The following SERPINI1 variants were observed in gnomAD, a reference collection of about 807,000 sequenced individuals.
SERPINI1 encodes serpin family I member 1.
In SERPINI1, 19 loss-of-function variants were observed where a neutral mutation model predicts 41.1. That is an observed-to-expected ratio of 0.46 (90% CI 0.32 to 0.68). The LOEUF is 0.68. SERPINI1 is among the 30% of genes least tolerant of loss of function. SERPINI1 has a pLI of 0.03. For missense variants in SERPINI1, 460 were observed against 479.2 expected (o/e 0.96, Z 0.37); for synonymous variants, 138 against 156.6 (o/e 0.88, Z 0.89).
intron 6 of SERPINI1, among the ~76,000 whole-genome samples, chr3:167,819,851 G>A (rs1169370669): frequency 1.3e-5 from 2 of 152,178 alleles, no homozygotes; most frequent in African/African-American, 4.8e-5. Flanking sequence ...TCTGAAATCT[G>A]AATTAGATCT....
intron 1 of SERPINI1, among the ~76,000 whole-genome samples, chr3:167,782,222 G>A (rs1392504127): frequency 6.6e-6 from 1 of 152,098 alleles, no homozygotes; most frequent in Non-Finnish European, 1.5e-5. Flanking sequence ...TAATAATAGG[G>A]CCCTGGCATT....
chr3:167,793,682 G>C (rs1028405534), intron 4 of SERPINI1, among the ~76,000 whole-genome samples: 1 of 151,072 alleles, frequency 6.6e-6, no homozygotes, highest in South Asian at 2.1e-4. Context: ...GAGCCCAAGA[G>C]TTTGAGGCTG....
intron 1 of SERPINI1, among the ~76,000 whole-genome samples, chr3:167,770,624 G>A (rs78345359): frequency 0.027 from 4,068 of 152,100 alleles, 78 homozygotes; most frequent in Non-Finnish European, 0.039. Flanking sequence ...AATATAGGGA[G>A]AACTGACATC....
At chr3:167,742,995 C>T (rs1018844474) in intron 1 of SERPINI1, among the ~76,000 whole-genome samples, 1 of 152,074 alleles carries the variant, frequency 6.6e-6, no homozygotes, top group Non-Finnish European at 1.5e-5. Flanking sequence ...AATATTGCAT[C>T]TAATATTTTT....
rs74786750 is a variant in SERPINI1 at position 167,772,593 on chromosome 3, T to C, written c.-18-16518T>C. Among the ~76,000 whole-genome samples, 1,148 of 152,138 alleles carry C rather than the reference T, an allele frequency of 7.5e-3. 78 individuals are homozygous for C. In the East Asian group the frequency reaches 0.16, roughly 22 times the overall value. On this transcript the variant is annotated intron_variant, in intron 1 of 8. Transcript: ENST00000446050. ...TGTAGTCATTCTCTGCAGGGCTAAT[T>C]GTCTGTATTTTTAAAAAGTGAAGTC... is the stretch of plus-strand genomic sequence containing the variant.
chr3:167,792,559 A>C, intron 3 of SERPINI1, 31 bp from the exon 4 acceptor site: 1 of 1,591,094 alleles, frequency 6.3e-7, no homozygotes, highest in Non-Finnish European at 8.6e-7. Flanking sequence ...GTTTAACATG[A>C]ATTTTTATCT....
chr3:167,774,611 C>T (rs1370946682), intron 1 of SERPINI1, among the ~76,000 whole-genome samples: 6 of 152,106 alleles, frequency 3.9e-5, no homozygotes, highest in Non-Finnish European at 8.8e-5. Flanking sequence ...AATTACCAAC[C>T]CGAGCTCCAC....
intron 1 of SERPINI1, among the ~76,000 whole-genome samples, chr3:167,737,458 C>G (rs192023868): frequency 6.6e-6 from 1 of 152,050 alleles, no homozygotes; most frequent in East Asian, 1.9e-4. Flanking sequence ...GCTGATATGG[C>G]CCTGTGAAAA....
chr3:167,799,505 G>A (rs925483470), intron 5 of SERPINI1, among the ~76,000 whole-genome samples: 10 of 151,990 alleles, frequency 6.6e-5, no homozygotes, highest in East Asian at 1.9e-4. Context: ...ATAAACATAC[G>A]TGTGTGTGTG....
chr3:167,789,829 A>T (rs1727439383), intron 2 of SERPINI1, among the ~76,000 whole-genome samples: 1 of 152,178 alleles, frequency 6.6e-6, no homozygotes. Context: ...GTGTTATCTT[A>T]TTATAAAAAT....
chr3:167,792,741 A>C lies in SERPINI1; in HGVS notation c.633A>C (p.Glu211Asp). The change falls in exon 4 of 9, where the codon GAA becomes GAC. Residue 211 changes from glutamate (E) to aspartate (D), a missense_variant. Coordinates refer to ENST00000446050, the MANE Select transcript of SERPINI1 (RefSeq NM_001122752.2). Reference protein sequence around the residue: ...TFSFTKDDESEVQIPMMYQQG... With the variant: ...TFSFTKDDESDVQIPMMYQQG... Reference sequence around the variant, plus strand: ...CTTTCACTAAAGATGATGAAAGTGAAGTCCAAATTCCAATGATGTATCAGC... The same window carrying C: ...CTTTCACTAAAGATGATGAAAGTGACGTCCAAATTCCAATGATGTATCAGC... 1 of 1,613,908 alleles carries C rather than the reference A, an allele frequency of 6.2e-7. No individual in the cohort carries two copies. Among genetic ancestry groups the C allele is most frequent in the Non-Finnish European group, 8.5e-7 (1 of 1,179,888 alleles).
rs146773768 is a variant in SERPINI1, at chr3:167,784,428, G to A, written c.-18-4683G>A. ...GTCTTGGCTGAATGAATGGCTAATG[G>A]TGCTACATTAGTTGGGCAACAGAGA... On this transcript the variant is annotated intron_variant, in intron 1 of 8. Coordinates refer to ENST00000446050, the MANE Select transcript of SERPINI1 (RefSeq NM_001122752.2). Among the ~76,000 whole-genome samples the A allele has an allele frequency of 1.6e-3, 239 of 152,266 alleles. 3 individuals carry two copies. Among genetic ancestry groups the A allele is most frequent in the African/African-American group, 5.5e-3 (227 of 41,544 alleles).
intron 1 of SERPINI1, among the ~76,000 whole-genome samples, chr3:167,769,325 A>G (rs1314758198): frequency 6.6e-6 from 1 of 152,208 alleles, no homozygotes; most frequent in African/African-American, 2.4e-5. Context: ...AACGACAGGA[A>G]GCCAAAACAA....
intron 6 of SERPINI1, among the ~76,000 whole-genome samples, chr3:167,813,782 G>T (rs1711973773): frequency 6.6e-6 from 1 of 152,090 alleles, no homozygotes; most frequent in African/African-American, 2.4e-5. Context: ...AAGAGAATTT[G>T]TGGTGGGGGA....
At chr3:167,759,297 A>G (rs139844746) in intron 1 of SERPINI1, among the ~76,000 whole-genome samples, 1 of 151,688 alleles carries the variant, frequency 6.6e-6, no homozygotes, top group African/African-American at 2.4e-5. Flanking sequence ...AAATCATTTT[A>G]TCAAAAAGAC....
intron 1 of SERPINI1, among the ~76,000 whole-genome samples, chr3:167,787,609 G>A (rs753989800): frequency 1.3e-5 from 2 of 152,324 alleles, no homozygotes; most frequent in East Asian, 1.9e-4. Flanking sequence ...AGCCTGCCCC[G>A]CAGCAGTGCA....
chr3:167,814,857 C>T (rs1359818220), intron 6 of SERPINI1, among the ~76,000 whole-genome samples: 1 of 152,152 alleles, frequency 6.6e-6, no homozygotes, highest in East Asian at 1.9e-4. Context: ...CTCATGCTGC[C>T]TGGAGGAAAG....
At position 167,770,161 on chromosome 3, in the gene SERPINI1, A is replaced by G. The variant is rs1726699594; in HGVS notation, c.-18-18950A>G. On this transcript the variant is annotated intron_variant, in intron 1 of 8. Coordinates refer to ENST00000446050, the MANE Select transcript of SERPINI1 (RefSeq NM_001122752.2). ...ATGTGCCTATATGGAAAAGATATGT[A>G]CAAATATATGTATGTATATATTTAC... Among the ~76,000 whole-genome samples, 3 of 151,998 alleles carry G rather than the reference A, an allele frequency of 2.0e-5. No individual in the cohort carries two copies. In the South Asian group the frequency reaches 6.2e-4, roughly 31 times the overall value.
At chr3:167,774,410 C>T (rs145219026) in intron 1 of SERPINI1, among the ~76,000 whole-genome samples, 1 of 152,256 alleles carries the variant, frequency 6.6e-6, no homozygotes, top group African/African-American at 2.4e-5. Flanking sequence ...AGTGTATCTG[C>T]ATGGCTTCAG....
Sources: allele counts gnomAD v4.1 joint callset (sites outside exome capture counted in the v4.1 genomes callset), GRCh38; gene constraint gnomAD v4.1.1; transcripts MANE v1.5; gene names NCBI Gene and HGNC (gene_info 2026-07-23, HGNC 2026-07-21).